PAPPA2: variants seen among roughly 807,000 people sequenced by gnomAD.
The protein encoded by PAPPA2 is pappalysin-2.
Under a neutral mutation model 176.4 loss-of-function variants are expected in PAPPA2, and 86 were observed. The ratio of observed to expected loss-of-function variants is 0.49; its 90% CI spans 0.41 to 0.58. PAPPA2 has a LOEUF of 0.58. Among genes scored for constraint, PAPPA2 ranks in the 20% least tolerant of loss-of-function variants. The probability of loss-of-function intolerance (pLI) is 0.00; values close to 1 mark genes in which losing one functional copy is unlikely to be tolerated. For missense variants in PAPPA2, 2,073 were observed against 2,256.9 expected, an observed-to-expected ratio of 0.92 and a Z score of 1.65; for synonymous variants, 809 against 852.2, an observed-to-expected ratio of 0.95 and a Z score of 0.88.
chr1:176,753,131 C>T (rs1663257585), intron 14 of PAPPA2, among the ~76,000 whole-genome samples: 1 of 152,158 alleles, frequency 6.6e-6, no homozygotes, highest in Admixed American at 6.5e-5. Flanking sequence ...GAGAGGTAGA[C>T]TCAGGTGTGA....
At chr1:176,610,872 T>C (rs1224153638) in intron 3 of PAPPA2, among the ~76,000 whole-genome samples, 1 of 152,238 alleles carries the variant, frequency 6.6e-6, no homozygotes, top group Non-Finnish European at 1.5e-5. Flanking sequence ...ATTGAGTATC[T>C]ACTACGATTT....
At chr1:176,549,382 A>C (rs1650814933) in intron 1 of PAPPA2, among the ~76,000 whole-genome samples, 1 of 152,256 alleles carries the variant, frequency 6.6e-6, no homozygotes, top group Non-Finnish European at 1.5e-5. Flanking sequence ...TGTCTTTTAT[A>C]AATGAGAAGA....
At chr1:176,664,893 G>GTAATAATAT (rs754175248) in intron 3 of PAPPA2, among the ~76,000 whole-genome samples, 3 of 152,126 alleles carry the variant, frequency 2.0e-5, no homozygotes, top group Non-Finnish European at 4.4e-5. Flanking sequence ...ATTATGTCTG[G>GTAATAATAT]TCTCTTGTGT....
At chr1:176,638,647 G>C (rs990381462) in intron 3 of PAPPA2, among the ~76,000 whole-genome samples, 31 of 152,012 alleles carry the variant, frequency 2.0e-4, no homozygotes, top group African/African-American at 7.2e-4. Flanking sequence ...AGGCCGGAGT[G>C]CTGGGGAGGG....
At chr1:176,689,041 A>T (rs961287688) in intron 4 of PAPPA2, among the ~76,000 whole-genome samples, 3 of 152,294 alleles carry the variant, frequency 2.0e-5, no homozygotes, top group Non-Finnish European at 4.4e-5. Flanking sequence ...CAGACCTGTG[A>T]AAGAAGGGCA....
chr1:176,719,036 A>T (rs1276462583), intron 12 of PAPPA2, among the ~76,000 whole-genome samples: 2 of 151,992 alleles, frequency 1.3e-5, no homozygotes, highest in African/African-American at 4.8e-5. Flanking sequence ...TTGGATTTGT[A>T]TGTTTCTCTT....
intron 1 of PAPPA2, among the ~76,000 whole-genome samples, chr1:176,506,158 A>G (rs1572979566): frequency 6.6e-6 from 1 of 152,064 alleles, no homozygotes; most frequent in Non-Finnish European, 1.5e-5. Flanking sequence ...TCAGATGGTT[A>G]TAAGTGTACA....
chr1:176,701,640 A>G (rs1660654234), intron 8 of PAPPA2, among the ~76,000 whole-genome samples: 1 of 152,074 alleles, frequency 6.6e-6, no homozygotes, highest in Non-Finnish European at 1.5e-5. Flanking sequence ...CAGCTGAGGG[A>G]GTGGAGGCTT....
chr1:176,717,333 T>G (rs1053831499), intron 12 of PAPPA2, among the ~76,000 whole-genome samples: 4 of 152,178 alleles, frequency 2.6e-5, no homozygotes, highest in African/African-American at 9.6e-5. Flanking sequence ...AGCAGCACCA[T>G]GGCAGTTTAT....
chr1:176,496,168 T>C (rs894099695), intron 1 of PAPPA2, among the ~76,000 whole-genome samples: 2 of 152,214 alleles, frequency 1.3e-5, no homozygotes, highest in Non-Finnish European at 1.5e-5. Flanking sequence ...TGTATACATG[T>C]GCCATGTTGG....
At chr1:176,687,666 T>C (rs1315763865) in intron 4 of PAPPA2, among the ~76,000 whole-genome samples, 1 of 152,216 alleles carries the variant, frequency 6.6e-6, no homozygotes, top group Non-Finnish European at 1.5e-5. Context: ...CCTGGGCCTG[T>C]CTGGCCATAG....
intron 14 of PAPPA2, among the ~76,000 whole-genome samples, chr1:176,752,304 G>A (rs1663215400): frequency 1.7e-5 from 2 of 116,964 alleles, no homozygotes; most frequent in South Asian, 5.9e-4. Flanking sequence ...TAACTAACCT[G>A]CACAATGTGC....
At chr1:176,644,218 A>G (rs1657262846) in intron 3 of PAPPA2, among the ~76,000 whole-genome samples, 1 of 151,948 alleles carries the variant, frequency 6.6e-6, no homozygotes, top group South Asian at 2.1e-4. Context: ...AGGGTGAATT[A>G]GGTGCCCTCT....
intron 3 of PAPPA2, among the ~76,000 whole-genome samples, chr1:176,642,424 A>T (rs1281719539): frequency 6.6e-6 from 1 of 151,866 alleles, no homozygotes; most frequent in Non-Finnish European, 1.5e-5. Flanking sequence ...GGACAAAGAC[A>T]CTGAGCAGCA....
At chr1:176,650,807 G>A (rs2102742324) in intron 3 of PAPPA2, among the ~76,000 whole-genome samples, 1 of 151,520 alleles carries the variant, frequency 6.6e-6, no homozygotes, top group East Asian at 2.0e-4. Flanking sequence ...TTCCTTTTTA[G>A]TTATGTGATT....
chr1:176,580,603 G>A (rs1308462334), intron 2 of PAPPA2, among the ~76,000 whole-genome samples: 1 of 151,810 alleles, frequency 6.6e-6, no homozygotes, highest in Non-Finnish European at 1.5e-5. Context: ...CCCACTAGCA[G>A]TATATAAGAG....
chr1:176,463,753 C>T (rs1651485948), intron 1 of PAPPA2, among the ~76,000 whole-genome samples: 1 of 152,184 alleles, frequency 6.6e-6, no homozygotes, highest in Non-Finnish European at 1.5e-5. Flanking sequence ...AACTCCAGTT[C>T]TCCTGGGCCT....
intron 4 of PAPPA2, among the ~76,000 whole-genome samples, chr1:176,685,919 A>G (rs1271081247): frequency 6.6e-6 from 1 of 152,188 alleles, no homozygotes; most frequent in Non-Finnish European, 1.5e-5. Context: ...AAACTAAATC[A>G]CCAAATAAAT....
intron 12 of PAPPA2, among the ~76,000 whole-genome samples, chr1:176,722,566 C>G (rs533218199): frequency 6.6e-6 from 1 of 151,868 alleles, no homozygotes; most frequent in Non-Finnish European, 1.5e-5. Context: ...GCTAAAAACT[C>G]TTCTTAGTTT....
Sources: gnomAD v4.1 joint callset for allele counts (sites outside exome capture counted in the v4.1 genomes callset) on GRCh38, gnomAD v4.1.1 for gene constraint, MANE v1.5 for transcripts, NCBI Gene and HGNC (gene_info 2026-07-23, HGNC 2026-07-21) for gene names.